The following SPOCK3 variants were observed in gnomAD, a reference collection of about 807,000 sequenced individuals.
SPOCK3 encodes the protein SPARC (osteonectin), cwcv and kazal like domains proteoglycan 3.
In SPOCK3, 30 loss-of-function variants were observed where a neutral mutation model predicts 56.6. The observed-to-expected ratio is 0.53, with a 90% CI of 0.40 to 0.72. The LOEUF is 0.72. Among genes scored for constraint, SPOCK3 ranks in the 30% least tolerant of loss-of-function variants. The pLI, the probability that SPOCK3 is intolerant of heterozygous loss-of-function variation, is 0.00. For missense variants in SPOCK3, 527 were observed against 530.0 expected (o/e 0.99, Z 0.06); for synonymous variants, 196 against 183.3 (o/e 1.07, Z -0.56).
intron 6 of SPOCK3, among the ~76,000 whole-genome samples, chr4:166,877,596 G>A (rs780762119): frequency 3.4e-4 from 51 of 152,114 alleles, no homozygotes; most frequent in Non-Finnish European, 6.6e-4. Context: ...AGAACAGTAA[G>A]CAGGAGGTAA....
intron 6 of SPOCK3, among the ~76,000 whole-genome samples, chr4:166,888,310 T>C (rs1486703000): frequency 3.9e-5 from 6 of 152,100 alleles, no homozygotes; most frequent in African/African-American, 1.4e-4. Context: ...GGGCATCCAA[T>C]AATAATTATT....
chr4:167,012,651 G>A (rs932058385), intron 3 of SPOCK3, among the ~76,000 whole-genome samples: 8 of 151,984 alleles, frequency 5.3e-5, no homozygotes, highest in East Asian at 1.9e-4. Flanking sequence ...ATCACAACAC[G>A]AAATAATGCA....
chr4:166,981,961 C>T lies in SPOCK3; in HGVS notation c.350+18388G>A, dbSNP rs546642377. On this transcript the variant is annotated intron_variant, in intron 4 of 10. Coordinates refer to ENST00000357545, the MANE Select transcript of SPOCK3 (RefSeq NM_001040159.2). ...CCACCACAGAGCAGATGCCAGAGTT[C>T]GGAGAGGGCAGGAAGTGGGAGCAGG... Among the ~76,000 whole-genome samples, 8 of 152,316 alleles carry T rather than the reference C, an allele frequency of 5.3e-5. No individual in the cohort carries two copies. The South Asian group carries it at 8.3e-4, about 16-fold the overall frequency.
At chr4:167,154,290 A>G (rs1466034745) in intron 2 of SPOCK3, among the ~76,000 whole-genome samples, 1 of 152,018 alleles carries the variant, frequency 6.6e-6, no homozygotes, top group African/African-American at 2.4e-5. Flanking sequence ...CTCCAGCCTC[A>G]TCTCCAAAAT....
intron 2 of SPOCK3, among the ~76,000 whole-genome samples, chr4:167,128,476 C>A (rs1407175358): frequency 6.6e-6 from 1 of 152,116 alleles, no homozygotes; most frequent in Non-Finnish European, 1.5e-5. Context: ...TATTTATCTC[C>A]CTGTCTCTTA....
chr4:167,025,554 C>T (rs1236895362), intron 3 of SPOCK3, among the ~76,000 whole-genome samples: 1 of 151,960 alleles, frequency 6.6e-6, no homozygotes, highest in Non-Finnish European at 1.5e-5. Context: ...GGTTTCTCCT[C>T]CAGGTCAGGT....
intron 3 of SPOCK3, among the ~76,000 whole-genome samples, chr4:167,053,553 AG>A (rs33968194): frequency 0.015 from 2,238 of 151,796 alleles, 56 homozygotes; most frequent in African/African-American, 0.051. Context: ...GGTGTGGTGG[AG>A]GGTACCTGTA....
intron 4 of SPOCK3, among the ~76,000 whole-genome samples, chr4:166,969,064 G>A (rs1745076010): frequency 6.6e-6 from 1 of 152,164 alleles, no homozygotes; most frequent in African/African-American, 2.4e-5. Context: ...GGGGTCTGTA[G>A]CCCCTTTCTT....
intron 3 of SPOCK3, among the ~76,000 whole-genome samples, chr4:167,027,028 C>T (rs1369059923): frequency 6.6e-6 from 1 of 151,804 alleles, no homozygotes; most frequent in Non-Finnish European, 1.5e-5. Flanking sequence ...CAAATCTTTT[C>T]TTTCATGTTC....
At chr4:167,037,027 A>T (rs1189674193) in intron 3 of SPOCK3, among the ~76,000 whole-genome samples, 1 of 152,192 alleles carries the variant, frequency 6.6e-6, no homozygotes, top group Non-Finnish European at 1.5e-5. Flanking sequence ...TTGAAGATTT[A>T]CACTTTTAAA....
At chr4:167,027,802 G>A (rs752064836) in intron 3 of SPOCK3, among the ~76,000 whole-genome samples, 5 of 152,018 alleles carry the variant, frequency 3.3e-5, no homozygotes, top group Non-Finnish European at 7.4e-5. Context: ...TTCAAGTTGA[G>A]TAAGCCGAGG....
intron 2 of SPOCK3, among the ~76,000 whole-genome samples, chr4:167,117,924 C>T (rs1761565009): frequency 6.6e-6 from 1 of 152,264 alleles, no homozygotes; most frequent in East Asian, 1.9e-4. Flanking sequence ...ATTAGGATGA[C>T]TCTGACTCCA....
chr4:167,030,437 A>G (rs944018037), intron 3 of SPOCK3, among the ~76,000 whole-genome samples: 33 of 152,046 alleles, frequency 2.2e-4, no homozygotes, highest in Non-Finnish European at 1.8e-4. Flanking sequence ...GCACAGGTTA[A>G]TTTTAGCTAG....
At chr4:166,987,999 G>T (rs1747351526) in intron 4 of SPOCK3, among the ~76,000 whole-genome samples, 1 of 152,084 alleles carries the variant, frequency 6.6e-6, no homozygotes, top group Non-Finnish European at 1.5e-5. Flanking sequence ...TCGTATGCTT[G>T]CTTTAAAAAA....
At chr4:166,990,311 C>G (rs1188872794) in intron 4 of SPOCK3, among the ~76,000 whole-genome samples, 1 of 151,802 alleles carries the variant, frequency 6.6e-6, no homozygotes, top group Admixed American at 6.6e-5. Flanking sequence ...ATAGGCCCAA[C>G]AGTAAAAATG....
At chr4:166,849,849 T>C (rs1040318410) in intron 6 of SPOCK3, among the ~76,000 whole-genome samples, 4 of 152,196 alleles carry the variant, frequency 2.6e-5, no homozygotes, top group Admixed American at 1.3e-4. Context: ...AGTACCTATC[T>C]TTCTGGGACT....
chr4:167,090,926 A>G (rs1758649428), intron 2 of SPOCK3, among the ~76,000 whole-genome samples: 1 of 152,212 alleles, frequency 6.6e-6, no homozygotes, highest in Non-Finnish European at 1.5e-5. Flanking sequence ...AATAATGCAG[A>G]TCTAAGAAAT....
chr4:166,833,905 C>T (rs1384450817), intron 6 of SPOCK3, among the ~76,000 whole-genome samples: 2 of 152,128 alleles, frequency 1.3e-5, no homozygotes, highest in Non-Finnish European at 2.9e-5. Context: ...TGCTCAAGAG[C>T]GGTTTGTTCC....
intron 7 of SPOCK3, among the ~76,000 whole-genome samples, chr4:166,764,070 G>A (rs1737614776): frequency 1.3e-5 from 2 of 152,040 alleles, no homozygotes; most frequent in Non-Finnish European, 2.9e-5. Flanking sequence ...ACCAGTGGAG[G>A]ACAATTTCCA....
Sources: allele counts gnomAD v4.1 joint callset (sites outside exome capture counted in the v4.1 genomes callset), GRCh38; gene constraint gnomAD v4.1.1; transcripts MANE v1.5; gene names NCBI Gene and HGNC (gene_info 2026-07-23, HGNC 2026-07-21).